Variants in ST3GAL1 observed in about 807,000 individuals in gnomAD.
The protein encoded by ST3GAL1 is CMP-N-acetylneuraminate-beta-galactosamide-alpha-2,3-sialyltransferase 1.
In ST3GAL1, 16 loss-of-function variants were observed where a neutral mutation model predicts 34.1. That is an observed-to-expected ratio of 0.47 (90% CI 0.32 to 0.71). The LOEUF (loss-of-function observed/expected upper bound fraction) is 0.71. Ranked by LOEUF, ST3GAL1 falls within the 30% of genes least tolerant of loss-of-function variation. The pLI is 0.04. For missense variants in ST3GAL1, 353 were observed against 447.4 expected, an observed-to-expected ratio of 0.79 and a Z score of 1.90; for synonymous variants, 191 against 184.7, an observed-to-expected ratio of 1.03 and a Z score of -0.28.
rs202146644 is a variant in ST3GAL1 at position 133,464,912 on chromosome 8, G to A, written c.549C>T (p.Thr183=). 1 of 1,614,016 alleles carries A rather than the reference G, an allele frequency of 6.2e-7. No individual in the cohort carries two copies. Among genetic ancestry groups the A allele is most frequent in the African/African-American group, 1.3e-5 (1 of 75,010 alleles). Residue 183 remains threonine (T), a synonymous_variant, in exon 7 of 10, where the codon ACC becomes ACT. Coordinates refer to ENST00000522652, the MANE Select transcript of ST3GAL1 (RefSeq NM_173344.3). ...GGTACACCAGATGGTGGGTGGTCTTGGTCCCAACATCAGCTTCAAACCCTG... is the reference window on the plus strand; with the variant it reads ...GGTACACCAGATGGTGGGTGGTCTTAGTCCCAACATCAGCTTCAAACCCTG... ...PTAGFEADVG[T]KTTHHLVYPE... is the part of the protein sequence containing the mutation.
At chr8:133,527,097 G>A (rs140452741) in intron 2 of ST3GAL1, among the ~76,000 whole-genome samples, 99 of 152,226 alleles carry the variant, frequency 6.5e-4, no homozygotes, top group African/African-American at 1.8e-3. Context: ...GTGCAAGTTC[G>A]TACTGTCACT....
intron 1 of ST3GAL1, among the ~76,000 whole-genome samples, chr8:133,546,733 T>C (rs912363214): frequency 6.6e-6 from 1 of 151,562 alleles, no homozygotes; most frequent in Middle Eastern, 3.2e-3. Context: ...GTGCGGTGGC[T>C]CATGCCTGTA....
intron 1 of ST3GAL1, among the ~76,000 whole-genome samples, chr8:133,557,904 CAAAA>C (rs543479046): frequency 6.1e-5 from 4 of 65,382 alleles, no homozygotes; most frequent in South Asian, 6.0e-4. Context: ...GACTCCGTCT[CAAAA>C]AAAAAAAAAA....
chr8:133,531,550 T>C (rs1818152930), intron 2 of ST3GAL1, among the ~76,000 whole-genome samples: 1 of 152,058 alleles, frequency 6.6e-6, no homozygotes, highest in African/African-American at 2.4e-5. Flanking sequence ...CAGGATGCAG[T>C]TCCTCCCTGC....
At position 133,475,931 on chromosome 8, in the gene ST3GAL1, TG is replaced by T; in HGVS notation, c.93del (p.Met32TrpfsTer19). ...LTSFFLNYSHTMVATTWFPKQ... is the reference protein window; with the variant it reads ...LTSFFLNYSHXMVATTWFPKQ... ...TTGGGGAACCAGGTGGTGGCCACCA[TG>T]GTGTGGGAGTAGTTCAGGAAGAAGG... is the stretch of plus-strand genomic sequence containing the variant. On this transcript the variant is annotated frameshift_variant, in exon 5 of 10. Transcript: ENST00000522652. LOFTEE classifies it high-confidence loss of function. 6.2e-7 allele frequency: 1 copy of T among 1,613,768 alleles called. No individual in the cohort carries two copies. The highest frequency in any genetic ancestry group is 8.5e-7 in the Non-Finnish European group (1 of 1,179,976).
chr8:133,551,594 GA>G (rs1239139817), intron 1 of ST3GAL1, among the ~76,000 whole-genome samples: 24 of 150,440 alleles, frequency 1.6e-4, no homozygotes, highest in African/African-American at 5.9e-4. Flanking sequence ...AAGAAAGAAA[GA>G]AAGAAAGAAA....
At chr8:133,477,402 G>T (rs1277962500) in intron 3 of ST3GAL1, among the ~76,000 whole-genome samples, 1 of 152,196 alleles carries the variant, frequency 6.6e-6, no homozygotes, top group African/African-American at 2.4e-5. Flanking sequence ...CTGTCAGCTA[G>T]ATATTAGTTT....
At chr8:133,555,621 G>A (rs1818991579) in intron 1 of ST3GAL1, among the ~76,000 whole-genome samples, 1 of 152,152 alleles carries the variant, frequency 6.6e-6, no homozygotes, top group African/African-American at 2.4e-5. Context: ...AACCTTGCTT[G>A]CACCTCATTA....
chr8:133,516,534 C>T lies in ST3GAL1; in HGVS notation c.-428-17345G>A, dbSNP rs190314391. 1.6e-4 allele frequency among the ~76,000 whole-genome samples: 25 copies of T among 152,304 alleles called. No individual in the cohort carries two copies. In the East Asian group the frequency reaches 4.8e-3, roughly 29 times the overall value. ...TTTGCACTTGCTGAATTTTCTGGCT[C>T]CCTCCTATCATTCCTGTCCCAGCTC... On this transcript the variant is annotated intron_variant, in intron 2 of 9. Transcript: ENST00000522652.
rs1412572719 is a variant in ST3GAL1 at position 133,466,231 on chromosome 8, G to A, written c.307-141C>T. On this transcript the variant is annotated intron_variant, in intron 5 of 9. Coordinates refer to ENST00000522652, the MANE Select transcript of ST3GAL1 (RefSeq NM_173344.3). The surrounding 1 kb of genome is among the most constrained non-coding windows in gnomAD (Gnocchi z 4.4). ...CTGCTGGGCCCCCGGAGATGGAGGC[G>A]GCTCACACACAGACACCTCCACTTC... 7 of 778,140 alleles carry A rather than the reference G, an allele frequency of 9.0e-6. No individual in the cohort carries two copies. The highest frequency in any genetic ancestry group is 1.2e-5 in the Non-Finnish European group (6 of 494,064). The allele number at this position is 778,140 out of a possible 1,614,324, so 48.2% of individuals were successfully genotyped here. A position where few individuals can be genotyped will look rare whatever the true frequency, so the allele number is the denominator to read the frequency against.
intron 3 of ST3GAL1, among the ~76,000 whole-genome samples, chr8:133,487,132 G>A (rs1268058821): frequency 6.6e-6 from 1 of 152,026 alleles, no homozygotes; most frequent in East Asian, 1.9e-4. Context: ...GTAGGGACGG[G>A]GTTTTACTAT....
At chr8:133,485,794 G>A (rs1816568314) in intron 3 of ST3GAL1, among the ~76,000 whole-genome samples, 1 of 150,988 alleles carries the variant, frequency 6.6e-6, no homozygotes, top group South Asian at 2.1e-4. Context: ...GAGCTTTGGG[G>A]GGGATAGAAG....
chr8:133,504,924 T>C (rs1450593680), intron 2 of ST3GAL1, among the ~76,000 whole-genome samples: 4 of 152,064 alleles, frequency 2.6e-5, no homozygotes, highest in Non-Finnish European at 5.9e-5. Flanking sequence ...GAGTTGGTAA[T>C]GGGGAGGAGA....
Position 133,465,977 on chromosome 8 carries a change from C to T in ST3GAL1, c.420G>A (p.Arg140=), listed in dbSNP as rs1815717652. Residue 140 remains arginine, a synonymous_variant, in exon 6 of 10, where the codon CGG becomes CGA. Coordinates refer to ENST00000522652, the MANE Select transcript of ST3GAL1 (RefSeq NM_173344.3). ...PMLEKRSVGC[R]RCAVVGNSGN... The stretch of plus-strand genomic sequence containing the variant: ...CCGAGTTGCCCACAACGGCGCAGCG[C>T]CGGCAGCCCACCGACCTCTTCTCCA... 1 of 1,614,136 alleles carries T rather than the reference C, an allele frequency of 6.2e-7. No individual in the cohort carries two copies. The highest frequency in any genetic ancestry group is 8.5e-7 in the Non-Finnish European group (1 of 1,180,016).
intron 2 of ST3GAL1, among the ~76,000 whole-genome samples, chr8:133,543,140 A>G (rs1818580662): frequency 6.6e-6 from 1 of 152,238 alleles, no homozygotes; most frequent in African/African-American, 2.4e-5. Flanking sequence ...CTCTTGATAC[A>G]ATGCACTGAA....
At chr8:133,548,334 T>C (rs941072890) in intron 1 of ST3GAL1, among the ~76,000 whole-genome samples, 2 of 152,138 alleles carry the variant, frequency 1.3e-5, no homozygotes, top group African/African-American at 2.4e-5. Flanking sequence ...CCTCTGTACT[T>C]TCTACTCACC....
Position 133,467,474 on chromosome 8 carries a change from G to A in ST3GAL1, c.307-1384C>T, listed in dbSNP as rs1364598206. Among the ~76,000 whole-genome samples, 3 of 152,206 alleles carry A rather than the reference G, an allele frequency of 2.0e-5. No individual in the cohort carries two copies. Among genetic ancestry groups the A allele is most frequent in the Non-Finnish European group, 2.9e-5 (2 of 68,038 alleles). ...CACTGTGGGTGAGGTAGGATGCTCT[G>A]AGGCCAGAGAGGTAAGCAACTCATC... On this transcript the variant is annotated intron_variant, in intron 5 of 9. Transcript: ENST00000522652. The surrounding 1 kb of genome is among the most constrained non-coding windows in gnomAD (Gnocchi z 4.2).
chr8:133,507,524 G>A (rs139667891), intron 2 of ST3GAL1, among the ~76,000 whole-genome samples: 65 of 152,306 alleles, frequency 4.3e-4, no homozygotes, highest in Non-Finnish European at 4.0e-4. Flanking sequence ...TTGCAGGCAC[G>A]GGCATTACCA....
At chr8:133,475,389 T>A (rs9642912) in intron 5 of ST3GAL1, among the ~76,000 whole-genome samples, 25,516 of 152,266 alleles carry the variant, frequency 0.17, 2,762 homozygotes, top group East Asian at 0.57. Context: ...TTTTGAGCCA[T>A]GAATTGTGCA....
Sources: gnomAD v4.1 joint callset for allele counts (sites outside exome capture counted in the v4.1 genomes callset) on GRCh38, gnomAD v4.1.1 for gene constraint, Gnocchi (gnomAD v3.1) non-coding constraint, MANE v1.5 for transcripts, NCBI Gene and HGNC (gene_info 2026-07-23, HGNC 2026-07-21) for gene names.